Variants in TET3 observed in about 807,000 individuals in gnomAD.
The protein encoded by TET3 is tet methylcytosine dioxygenase 3.
Under a neutral mutation model 141.4 loss-of-function variants are expected in TET3, and 19 were observed. The observed-to-expected ratio is 0.13, with a 90% CI of 0.09 to 0.20. TET3 has a LOEUF of 0.20. TET3 is among the 10% of genes least tolerant of loss of function. TET3 has a pLI of 1.00. For synonymous variants in TET3, 1,043 were observed against 980.9 expected (o/e 1.06, Z -1.18); for missense variants, 1,874 against 2,356.9 (o/e 0.80, Z 4.24).
At position 74,107,677 on chromosome 2, in the gene TET3, TTTTA is replaced by T. The variant is rs1253654207; in HGVS notation, c.*5505_*5508del. 1.3e-5 allele frequency: 2 copies of T among 152,216 alleles called. No individual in the cohort carries two copies. The highest frequency in any genetic ancestry group is 4.8e-5 in the African/African-American group (2 of 41,448). 9.4% of individuals were successfully genotyped at this position (152,216 alleles called of 1,614,324 possible). A position where few individuals can be genotyped will look rare whatever the true frequency, so the allele number is the denominator to read the frequency against. Reference sequence around the variant, plus strand: ...AGAACCCCTGTAGCTTTTTGATGTGTTTTATTTCTTATCTCTTTGAATTCCTGTT... The same window carrying T: ...AGAACCCCTGTAGCTTTTTGATGTGTTTTCTTATCTCTTTGAATTCCTGTT... On this transcript the variant is annotated 3_prime_UTR_variant, in exon 12 of 12. Coordinates refer to ENST00000409262, the MANE Select transcript of TET3 (RefSeq NM_001287491.2).
rs959256320 is a variant in TET3, at chr2:73,985,451, C to T, written c.-425+294C>T. Among the ~76,000 whole-genome samples, 18 of 144,096 alleles carry T rather than the reference C, an allele frequency of 1.2e-4. No individual in the cohort carries two copies. In the East Asian group the frequency reaches 2.9e-3, roughly 23 times the overall value. 94.5% of individuals were successfully genotyped at this position (144,096 alleles called of 152,430 possible). On this transcript the variant is annotated intron_variant, in intron 1 of 11. Coordinates refer to ENST00000409262, the MANE Select transcript of TET3 (RefSeq NM_001287491.2). The stretch of plus-strand genomic sequence containing the variant: ...CCGGCCCGCGGCTCGAGCGCGCCCC[C>T]CTCCCCGCGCCCCTCGGCGGCGCGG...
intron 6 of TET3, among the ~76,000 whole-genome samples, chr2:74,080,931 CTG>C (rs1689785608): frequency 6.6e-6 from 1 of 152,190 alleles, no homozygotes; most frequent in African/African-American, 2.4e-5. Flanking sequence ...GGAAGGGAAA[CTG>C]GGGATGCTGT....
At chr2:74,114,519 T>A in the TET3 span, among the ~76,000 whole-genome samples, 2 of 152,098 alleles carry the variant, frequency 1.3e-5, no homozygotes, top group Admixed American at 6.5e-5. Context: ...AATTTTATGT[T>A]CTGTATATTT....
chr2:74,015,409 A>C (rs1455186736), intron 3 of TET3, among the ~76,000 whole-genome samples: 1 of 152,212 alleles, frequency 6.6e-6, no homozygotes, highest in Non-Finnish European at 1.5e-5. Context: ...CAGTATAATC[A>C]CTATTAACAA....
the TET3 span, among the ~76,000 whole-genome samples, chr2:74,114,257 G>A: frequency 5.3e-5 from 8 of 151,976 alleles, no homozygotes; most frequent in East Asian, 1.4e-3. Context: ...GCTAAGCTAT[G>A]AGGACAGAAA....
At chr2:74,122,210 T>C in the TET3 span, 1 of 151,866 alleles carries the variant, frequency 6.6e-6, no homozygotes, top group Non-Finnish European at 1.5e-5. Context: ...ATTAACAAAA[T>C]TCAGACAAAA....
intron 3 of TET3, among the ~76,000 whole-genome samples, chr2:74,029,424 C>A (rs1686551283): frequency 6.6e-6 from 1 of 152,042 alleles, no homozygotes; most frequent in Non-Finnish European, 1.5e-5. Flanking sequence ...CCTCCGGGGC[C>A]CTGTGTGTGC....
chr2:74,049,199 T>C (rs116373679), intron 4 of TET3, among the ~76,000 whole-genome samples: 2 of 151,996 alleles, frequency 1.3e-5, no homozygotes, highest in African/African-American at 2.4e-5. Flanking sequence ...GGTCTCTGCC[T>C]GGGGGTGGTG....
intron 3 of TET3, among the ~76,000 whole-genome samples, chr2:74,020,431 C>T (rs1478350268): frequency 2.0e-5 from 3 of 152,216 alleles, no homozygotes; most frequent in African/African-American, 7.2e-5. Context: ...GGTCTGCCTG[C>T]CCAAAGTGTT....
intron 10 of TET3, among the ~76,000 whole-genome samples, chr2:74,096,489 G>A (rs138492436): frequency 3.1e-4 from 47 of 152,326 alleles, no homozygotes; most frequent in African/African-American, 9.4e-4. Context: ...AGGTCAGGCC[G>A]GGCGCAGGGG....
chr2:74,071,040 G>C (rs1689174358), intron 4 of TET3, among the ~76,000 whole-genome samples: 2 of 152,188 alleles, frequency 1.3e-5, no homozygotes, highest in Non-Finnish European at 2.9e-5. Flanking sequence ...AGCTGTAGAG[G>C]CTGAGAATGC....
the TET3 span, chr2:74,131,052 C>G: frequency 6.6e-6 from 1 of 151,626 alleles, no homozygotes; most frequent in South Asian, 2.1e-4. Flanking sequence ...AGAGGAGAGT[C>G]CCCCTGTACG....
Position 74,093,043 on chromosome 2 carries a change from C to G in TET3, c.3129+52C>G. On this transcript the variant is annotated intron_variant, in intron 9 of 11. Transcript: ENST00000409262. This position sits in a 1 kb window ranked among gnomAD's most constrained non-coding sequence, Gnocchi z 4.2. ...CCACATGTCACCGTCCACATCTCTG[C>G]TCAGGCTCTGAAGGTGGGAAGTGGG... 6.7e-7 allele frequency: 1 copy of G among 1,499,702 alleles called. No homozygotes were observed. The highest frequency in any genetic ancestry group is 9.1e-7 in the Non-Finnish European group (1 of 1,100,150). 92.9% of individuals were successfully genotyped at this position (1,499,702 alleles called of 1,614,324 possible).
intron 10 of TET3, among the ~76,000 whole-genome samples, chr2:74,095,677 C>T (rs894938404): frequency 5.3e-5 from 8 of 152,212 alleles, no homozygotes; most frequent in Admixed American, 1.3e-4. Context: ...CTTAAGCTTT[C>T]TATGTCAGTG....
chr2:74,045,784 C>T (rs921647507), intron 3 of TET3, among the ~76,000 whole-genome samples: 30 of 152,034 alleles, frequency 2.0e-4, no homozygotes, highest in Admixed American at 1.5e-3. Flanking sequence ...CATGGCTGAC[C>T]CATGGTCCAG....
intron 2 of TET3, among the ~76,000 whole-genome samples, chr2:73,988,326 T>C (rs1684148861): frequency 6.6e-6 from 1 of 152,130 alleles, no homozygotes; most frequent in Non-Finnish European, 1.5e-5. Context: ...GCATTCCTTT[T>C]CTTCCCCAGC....
Position 74,099,476 on chromosome 2 carries a change from C to G in TET3, c.3468C>G (p.Ala1156=). The G allele has an allele frequency of 1.2e-6, 2 of 1,613,784 alleles. No homozygotes were observed. Among genetic ancestry groups the G allele is most frequent in the Non-Finnish European group, 8.5e-7 (1 of 1,179,848 alleles). Residue 1156 remains alanine, a synonymous_variant, in exon 11 of 12, where the codon GCC becomes GCG. Transcript: ENST00000409262. ...PREVRRLPEP[A]KSCRQRQLEA... The stretch of plus-strand genomic sequence containing the variant: ...AGGTCCGACGCCTGCCCGAGCCTGC[C>G]AAGTCCTGCCGCCAGCGGCAGCTGG...
upstream of TET3, among the ~76,000 whole-genome samples, chr2:73,984,487 G>A (rs1424667400): frequency 6.6e-6 from 1 of 152,034 alleles, no homozygotes; most frequent in Admixed American, 6.5e-5. This position sits in a 1 kb window ranked among gnomAD's most constrained non-coding sequence, Gnocchi z 5.6. Flanking sequence ...GCCTCCCGGG[G>A]GCGCCGGGGC....
chr2:74,048,730 C>CCT (rs2103706693), intron 4 of TET3, among the ~76,000 whole-genome samples: 1 of 152,298 alleles, frequency 6.6e-6, no homozygotes, highest in East Asian at 1.9e-4. Flanking sequence ...ATAGAAAGGA[C>CCT]ACATTCTAGA....
Sources: gnomAD v4.1 joint callset for allele counts (sites outside exome capture counted in the v4.1 genomes callset) on GRCh38, gnomAD v4.1.1 for gene constraint, Gnocchi (gnomAD v3.1) non-coding constraint, MANE v1.5 for transcripts, NCBI Gene and HGNC (gene_info 2026-07-23, HGNC 2026-07-21) for gene names.